ROBO2: variants seen among roughly 807,000 people sequenced by gnomAD.
ROBO2 encodes the protein roundabout guidance receptor 2.
Under a neutral mutation model 160.8 loss-of-function variants are expected in ROBO2, and 53 were observed. That is an observed-to-expected ratio of 0.33 (90% CI 0.26 to 0.41). The LOEUF (loss-of-function observed/expected upper bound fraction) is 0.41. Ranked by LOEUF, ROBO2 falls within the 10% of genes least tolerant of loss-of-function variation. The probability of loss-of-function intolerance (pLI) is 1.00; values close to 1 mark genes in which losing one functional copy is unlikely to be tolerated. For missense variants in ROBO2, 1,577 were observed against 1,722.4 expected (o/e 0.92, Z 1.49); for synonymous variants, 664 against 611.7 (o/e 1.09, Z -1.26).
At chr3:76,090,862 C>A (rs1046488514) in intron 2 of ROBO2, among the ~76,000 whole-genome samples, 1 of 152,144 alleles carries the variant, frequency 6.6e-6, no homozygotes, top group Non-Finnish European at 1.5e-5. Context: ...ACAGTCTCTT[C>A]AGAAAATGGT....
intron 2 of ROBO2, among the ~76,000 whole-genome samples, chr3:76,779,934 A>T (rs1399145728): frequency 6.6e-6 from 1 of 150,956 alleles, no homozygotes; most frequent in East Asian, 2.0e-4. Flanking sequence ...TTGTTGGATC[A>T]TATTGTAGTT....
At chr3:76,798,259 G>GAAA (rs2063889320) in intron 2 of ROBO2, among the ~76,000 whole-genome samples, 20 of 94,282 alleles carry the variant, frequency 2.1e-4, no homozygotes, top group South Asian at 1.4e-3. Flanking sequence ...AAAGAAAGAA[G>GAAA]GAAAGAAAGA....
At chr3:77,597,946 G>A (rs2094344853) in intron 19 of ROBO2, among the ~76,000 whole-genome samples, 1 of 152,098 alleles carries the variant, frequency 6.6e-6, no homozygotes, top group Non-Finnish European at 1.5e-5. Flanking sequence ...TTTTTAAGAG[G>A]AGAATGCTGG....
At chr3:76,393,812 A>G (rs993594563) in intron 2 of ROBO2, among the ~76,000 whole-genome samples, 1 of 152,144 alleles carries the variant, frequency 6.6e-6, no homozygotes, top group Admixed American at 6.6e-5. Context: ...ATCATACAGC[A>G]TTATTCTTTT....
intron 2 of ROBO2, among the ~76,000 whole-genome samples, chr3:77,444,407 A>G (rs1388983181): frequency 6.6e-6 from 1 of 152,196 alleles, no homozygotes; most frequent in Non-Finnish European, 1.5e-5. Context: ...ACTTTTGTAT[A>G]CATTAACTTG....
chr3:77,193,915 C>A (rs2082096781), intron 2 of ROBO2, among the ~76,000 whole-genome samples: 2 of 151,930 alleles, frequency 1.3e-5, no homozygotes, highest in African/African-American at 4.8e-5. Flanking sequence ...ATTTATTTGA[C>A]AAATAAGTAT....
intron 2 of ROBO2, among the ~76,000 whole-genome samples, chr3:77,279,770 A>G (rs1480698145): frequency 2.6e-5 from 4 of 152,112 alleles, no homozygotes; most frequent in African/African-American, 9.6e-5. Context: ...AAATCTTGGT[A>G]TCTGACTTTT....
At chr3:76,391,764 C>T (rs1243897168) in intron 2 of ROBO2, among the ~76,000 whole-genome samples, 2 of 152,136 alleles carry the variant, frequency 1.3e-5, no homozygotes, top group African/African-American at 4.8e-5. Flanking sequence ...CCGTCTCGAC[C>T]TCCCAAAGTG....
At chr3:77,450,551 A>G (rs1035686448) in intron 2 of ROBO2, among the ~76,000 whole-genome samples, 8 of 152,100 alleles carry the variant, frequency 5.3e-5, no homozygotes, top group Non-Finnish European at 1.2e-4. Flanking sequence ...AATTATTACT[A>G]TTAGTACTGG....
At chr3:77,633,332 A>G (rs940290253) in intron 23 of ROBO2, 1 of 152,192 alleles carries the variant, frequency 6.6e-6, no homozygotes, top group African/African-American at 2.4e-5. Context: ...ATAAAAGAAC[A>G]ATTATATAAT....
intron 2 of ROBO2, among the ~76,000 whole-genome samples, chr3:76,402,647 A>T (rs1024580760): frequency 2.4e-4 from 36 of 151,514 alleles, no homozygotes; most frequent in African/African-American, 8.0e-4. Flanking sequence ...AGGTTGTAAG[A>T]CTAAGGTGCC....
Position 76,899,326 on chromosome 3 carries a change from A to C in ROBO2, c.110-198688A>C, listed in dbSNP as rs186866976. ...TCGTATGTCAAAAACATTCAAGTTCATGTATGTGTGATGGTTATTAAGTAA... is the reference window on the plus strand; with the variant it reads ...TCGTATGTCAAAAACATTCAAGTTCCTGTATGTGTGATGGTTATTAAGTAA... On this transcript the variant is annotated intron_variant, in intron 2 of 26. Coordinates refer to the ROBO2 transcript ENST00000487694. Among the ~76,000 whole-genome samples, 70 of 152,266 alleles carry C rather than the reference A, an allele frequency of 4.6e-4. 1 individual carries two copies. The highest frequency in any genetic ancestry group is 1.6e-3 in the African/African-American group (67 of 41,564).
chr3:77,539,580 G>GA (rs1352760747), intron 6 of ROBO2, among the ~76,000 whole-genome samples: 12 of 152,036 alleles, frequency 7.9e-5, no homozygotes, highest in Non-Finnish European at 1.6e-4. Context: ...TAATGAGATG[G>GA]AAAAAATATT....
chr3:77,582,675 C>G (rs986363901), intron 16 of ROBO2, among the ~76,000 whole-genome samples: 10 of 152,028 alleles, frequency 6.6e-5, no homozygotes, highest in African/African-American at 2.4e-4. Context: ...ACTCCTTTTC[C>G]TCTCATCTTT....
At chr3:77,187,564 C>T (rs1219494835) in intron 2 of ROBO2, among the ~76,000 whole-genome samples, 1 of 151,888 alleles carries the variant, frequency 6.6e-6, no homozygotes, top group Non-Finnish European at 1.5e-5. Context: ...TAAAATACTT[C>T]AGTCCCACTG....
Position 76,203,130 on chromosome 3 carries a change from G to A in ROBO2, c.109+265528G>A, listed in dbSNP as rs902348046. On this transcript the variant is annotated intron_variant, in intron 2 of 26. Transcript: ENST00000487694. ...AATTTAACTGATTGCCTAAAACAAT[G>A]TACCCGTGTATGTCTTTCAAATCCC... Among the ~76,000 whole-genome samples the A allele has an allele frequency of 4.6e-5, 7 of 152,186 alleles. No homozygotes were observed. In the South Asian group the frequency reaches 8.3e-4, roughly 18 times the overall value.
intron 2 of ROBO2, among the ~76,000 whole-genome samples, chr3:76,387,591 A>G (rs762279420): frequency 1.3e-5 from 2 of 152,210 alleles, no homozygotes; most frequent in African/African-American, 2.4e-5. Flanking sequence ...ATTAATTATT[A>G]TGAATTTTTC....
chr3:76,759,950 C>A (rs868753663), intron 2 of ROBO2, among the ~76,000 whole-genome samples: 1 of 151,908 alleles, frequency 6.6e-6, no homozygotes, highest in African/African-American at 2.4e-5. Flanking sequence ...AGTCTCAGAA[C>A]TCTGGGACTC....
intron 2 of ROBO2, among the ~76,000 whole-genome samples, chr3:76,167,451 C>T (rs943090653): frequency 6.6e-6 from 1 of 152,156 alleles, no homozygotes; most frequent in Admixed American, 6.6e-5. Flanking sequence ...CAATGTCCCT[C>T]TGGATTAAAT....
Sources: allele counts gnomAD v4.1 joint callset (sites outside exome capture counted in the v4.1 genomes callset), GRCh38; gene constraint gnomAD v4.1.1; transcripts MANE v1.5; gene names NCBI Gene and HGNC (gene_info 2026-07-23, HGNC 2026-07-21).